Variants in ADAM23 observed in about 807,000 individuals in gnomAD.
The protein encoded by ADAM23 is ADAM metallopeptidase domain 23.
ADAM23 carries 33 observed loss-of-function variants against 120.1 expected under a neutral mutation model. The ratio of observed to expected loss-of-function variants is 0.27; its 90% CI spans 0.21 to 0.37. The LOEUF (loss-of-function observed/expected upper bound fraction) is 0.37, where lower values mean the gene tolerates loss of function less well. Among genes scored for constraint, ADAM23 ranks in the 10% least tolerant of loss-of-function variants. The pLI, the probability that ADAM23 is intolerant of heterozygous loss-of-function variation, is 1.00. For synonymous variants in ADAM23, 367 were observed against 375.2 expected, an observed-to-expected ratio of 0.98 and a Z score of 0.25; for missense variants, 862 against 1,058.2, an observed-to-expected ratio of 0.81 and a Z score of 2.57.
At position 206,542,023 on chromosome 2, in the gene ADAM23, A is replaced by G. The variant is rs75766366; in HGVS notation, c.574-29A>G. 411 of 1,610,734 alleles carry G rather than the reference A, an allele frequency of 2.6e-4. 5 individuals carry two copies. The East Asian group carries it at 8.3e-3, about 33-fold the overall frequency. On this transcript the variant is annotated intron_variant, in intron 4 of 25. Coordinates refer to ENST00000264377, the MANE Select transcript of ADAM23 (RefSeq NM_003812.4). ...AAGAATTAATCATAATGCATAAAAT[A>G]CAACCAATCAATGAAACCTGCTTTC... is the stretch of plus-strand genomic sequence containing the variant.
intron 2 of ADAM23, among the ~76,000 whole-genome samples, chr2:206,449,705 G>A (rs1695152508): frequency 6.6e-6 from 1 of 152,242 alleles, no homozygotes; most frequent in Non-Finnish European, 1.5e-5. Flanking sequence ...GGGAGGCGGA[G>A]GTTGCGGTGA....
intron 23 of ADAM23, 85 bp from the exon 24 acceptor site, chr2:206,595,966 C>G: frequency 9.5e-7 from 1 of 1,052,108 alleles, no homozygotes. Flanking sequence ...AAGCTTCCTC[C>G]CTGCCCCCGT....
At chr2:206,477,880 T>TAAAAAAAAAAAAA (rs71034456) in intron 2 of ADAM23, among the ~76,000 whole-genome samples, 2 of 109,208 alleles carry the variant, frequency 1.8e-5, no homozygotes, top group African/African-American at 7.8e-5. Flanking sequence ...AATATTCTGT[T>TAAAAAAAAAAAAA]AAAAAAAAAA....
At chr2:206,547,710 G>A (rs1697429559) in intron 7 of ADAM23, among the ~76,000 whole-genome samples, 1 of 152,158 alleles carries the variant, frequency 6.6e-6, no homozygotes, top group African/African-American at 2.4e-5. Context: ...AAGACTTTGA[G>A]TAAAGCTGCC....
intron 2 of ADAM23, among the ~76,000 whole-genome samples, chr2:206,450,856 C>T (rs1309164583): frequency 6.6e-6 from 1 of 152,158 alleles, no homozygotes; most frequent in East Asian, 1.9e-4. Context: ...TTATTGAATA[C>T]TTCTTTTGAA....
At chr2:206,529,483 C>T (rs770345592) in intron 3 of ADAM23, among the ~76,000 whole-genome samples, 18 of 152,114 alleles carry the variant, frequency 1.2e-4, no homozygotes, top group Non-Finnish European at 1.3e-4. Context: ...ACTGCAGCCT[C>T]GATCTTCTGG....
chr2:206,544,396 T>G (rs1279707924), intron 6 of ADAM23, among the ~76,000 whole-genome samples: 1 of 152,152 alleles, frequency 6.6e-6, no homozygotes, highest in East Asian at 1.9e-4. Context: ...TGACATATAT[T>G]CAGTAAATAT....
chr2:206,575,379 G>A (rs553292607), intron 18 of ADAM23, among the ~76,000 whole-genome samples: 11 of 152,210 alleles, frequency 7.2e-5, no homozygotes, highest in East Asian at 3.9e-4. Flanking sequence ...TTCTTTTCAC[G>A]ATTGTATGAG....
chr2:206,488,197 C>G (rs1696056734), intron 3 of ADAM23, among the ~76,000 whole-genome samples: 1 of 152,206 alleles, frequency 6.6e-6, no homozygotes, highest in Non-Finnish European at 1.5e-5. Context: ...ATTCAGTCAA[C>G]AAACATTTAT....
intron 24 of ADAM23, among the ~76,000 whole-genome samples, chr2:206,601,871 T>C (rs1189214506): frequency 6.6e-6 from 1 of 152,128 alleles, no homozygotes; most frequent in Non-Finnish European, 1.5e-5. Context: ...GTAATCAAGC[T>C]TATTAACTGA....
chr2:206,563,875 G>T (rs1347205556), intron 13 of ADAM23, among the ~76,000 whole-genome samples: 1 of 151,718 alleles, frequency 6.6e-6, no homozygotes. Context: ...GACTACAGGT[G>T]CCCACCACCA....
At chr2:206,588,858 T>C (rs752441744) in intron 20 of ADAM23, among the ~76,000 whole-genome samples, 12 of 152,190 alleles carry the variant, frequency 7.9e-5, no homozygotes, top group Non-Finnish European at 1.3e-4. Context: ...TTGGCAAATA[T>C]CATTTATTTG....
chr2:206,531,958 A>G (rs1697073784), intron 4 of ADAM23, among the ~76,000 whole-genome samples: 1 of 152,192 alleles, frequency 6.6e-6, no homozygotes, highest in Non-Finnish European at 1.5e-5. Flanking sequence ...GATTTATAAC[A>G]TTTCAATTTG....
chr2:206,558,919 GTTTTTGTTTGTTTGTT>G (rs1697702388), intron 10 of ADAM23, among the ~76,000 whole-genome samples: 2 of 145,696 alleles, frequency 1.4e-5, no homozygotes, highest in African/African-American at 4.9e-5. Context: ...TCATCCATTG[GTTTTTGTTTGTTTGTT>G]TGTTTGTTTG....
chr2:206,473,802 G>A (rs573847262), intron 2 of ADAM23, among the ~76,000 whole-genome samples: 17 of 151,626 alleles, frequency 1.1e-4, no homozygotes, highest in African/African-American at 3.9e-4. Flanking sequence ...GAGCCTAGGA[G>A]TTTGTGACCA....
chr2:206,500,054 A>G (rs372462431), intron 3 of ADAM23, among the ~76,000 whole-genome samples: 37 of 152,260 alleles, frequency 2.4e-4, no homozygotes, highest in South Asian at 2.3e-3. Context: ...TATTATTAAA[A>G]TATTGCACGA....
intron 3 of ADAM23, among the ~76,000 whole-genome samples, chr2:206,516,947 G>A (rs1696746050): frequency 6.6e-6 from 1 of 152,056 alleles, no homozygotes; most frequent in Admixed American, 6.6e-5. Context: ...CCTGATCATT[G>A]TGGACATACA....
chr2:206,448,835 G>A (rs565136579), intron 2 of ADAM23, among the ~76,000 whole-genome samples: 10 of 152,322 alleles, frequency 6.6e-5, no homozygotes, highest in African/African-American at 2.4e-4. Context: ...CTCTTCATCT[G>A]TATTCTTTGT....
intron 3 of ADAM23, among the ~76,000 whole-genome samples, chr2:206,501,210 T>C (rs1696380590): frequency 6.6e-6 from 1 of 152,152 alleles, no homozygotes; most frequent in Non-Finnish European, 1.5e-5. Flanking sequence ...TCTTTAAATG[T>C]CCTGCAATCT....
Sources: gnomAD v4.1 joint callset for allele counts (sites outside exome capture counted in the v4.1 genomes callset) on GRCh38, gnomAD v4.1.1 for gene constraint, MANE v1.5 for transcripts, NCBI Gene and HGNC (gene_info 2026-07-23, HGNC 2026-07-21) for gene names.